Variants in DRC11 observed in about 807,000 individuals in gnomAD.
The protein encoded by DRC11 is dynein regulatory complex subunit 11, also known as IQ and AAA domain-containing protein 1.
At chr2:236,416,617 G>A in the DRC11 span, among the ~76,000 whole-genome samples, 5 of 150,560 alleles carry the variant, frequency 3.3e-5, no homozygotes, top group East Asian at 5.9e-4. Context: ...TGCAGGAGCC[G>A]AGCATGTGAA....
the DRC11 span, among the ~76,000 whole-genome samples, chr2:236,476,677 T>C: frequency 1.3e-5 from 2 of 152,210 alleles, 1 homozygote; most frequent in East Asian, 3.8e-4. This position sits in a 1 kb window ranked among gnomAD's most constrained non-coding sequence, Gnocchi z 4.7. Flanking sequence ...TGAACCATTC[T>C]TGCATCCCTG....
At chr2:236,459,492 CGTATAT>C in the DRC11 span, among the ~76,000 whole-genome samples, 1 of 127,242 alleles carries the variant, frequency 7.9e-6, no homozygotes, top group Non-Finnish European at 1.7e-5. Context: ...AATATGTATA[CGTATAT>C]ATGTATACGT....
chr2:236,455,836 G>A, the DRC11 span, among the ~76,000 whole-genome samples: 1 of 152,160 alleles, frequency 6.6e-6, no homozygotes, highest in African/African-American at 2.4e-5. The surrounding 1 kb of genome is among the most constrained non-coding windows in gnomAD (Gnocchi z 5.7). Flanking sequence ...TGGCAATCTG[G>A]AGGCATGGTG....
the DRC11 span, chr2:236,392,002 C>G: frequency 6.2e-7 from 1 of 1,614,032 alleles, no homozygotes; most frequent in Middle Eastern, 1.6e-4. This position sits in a 1 kb window ranked among gnomAD's most constrained non-coding sequence, Gnocchi z 5.1. Flanking sequence ...CCTGCTTTCA[C>G]TGGGCGCTCC....
the DRC11 span, among the ~76,000 whole-genome samples, chr2:236,384,161 G>A: frequency 6.6e-4 from 99 of 150,990 alleles, no homozygotes; most frequent in Non-Finnish European, 1.1e-3. Flanking sequence ...ATGATTTATA[G>A]TCCTTTGGGT....
At chr2:236,398,453 G>A in the DRC11 span, among the ~76,000 whole-genome samples, 1 of 152,182 alleles carries the variant, frequency 6.6e-6, no homozygotes, top group African/African-American at 2.4e-5. This position sits in a 1 kb window ranked among gnomAD's most constrained non-coding sequence, Gnocchi z 6.2. Flanking sequence ...CATCTATTAA[G>A]TTAATAATAT....
the DRC11 span, among the ~76,000 whole-genome samples, chr2:236,421,443 T>C: frequency 5.3e-5 from 8 of 151,456 alleles, no homozygotes; most frequent in African/African-American, 1.9e-4. Context: ...TTTATGCAAA[T>C]AAACTAGAAA....
At chr2:236,351,410 G>C in the DRC11 span, among the ~76,000 whole-genome samples, 3 of 152,252 alleles carry the variant, frequency 2.0e-5, no homozygotes, top group South Asian at 4.2e-4. The surrounding 1 kb of genome is among the most constrained non-coding windows in gnomAD (Gnocchi z 7.3). Context: ...TCTGGAGAGG[G>C]GGAAGCACCC....
chr2:236,444,625 C>T, the DRC11 span, among the ~76,000 whole-genome samples: 1 of 152,200 alleles, frequency 6.6e-6, no homozygotes, highest in Non-Finnish European at 1.5e-5. Flanking sequence ...AGCCCATCCA[C>T]TTCCGGATAC....
At chr2:236,461,136 G>A in the DRC11 span, among the ~76,000 whole-genome samples, 1 of 152,148 alleles carries the variant, frequency 6.6e-6, no homozygotes, top group Admixed American at 6.5e-5. This position sits in a 1 kb window ranked among gnomAD's most constrained non-coding sequence, Gnocchi z 4.0. Flanking sequence ...GGTTACAGTT[G>A]TACATAGTGC....
the DRC11 span, among the ~76,000 whole-genome samples, chr2:236,459,534 C>CATAT: frequency 1.4e-5 from 1 of 70,096 alleles, no homozygotes; most frequent in Non-Finnish European, 3.1e-5. Flanking sequence ...TACATGTATA[C>CATAT]GTATACGTAT....
chr2:236,410,466 C>T, the DRC11 span, among the ~76,000 whole-genome samples: 2 of 151,392 alleles, frequency 1.3e-5, no homozygotes, highest in Non-Finnish European at 2.9e-5. Context: ...AATGGCCATA[C>T]TGCCCAAGGT....
At chr2:236,400,404 GCCCCAGCACAACA>G in the DRC11 span, among the ~76,000 whole-genome samples, 1 of 152,162 alleles carries the variant, frequency 6.6e-6, no homozygotes, top group Non-Finnish European at 1.5e-5. This position sits in a 1 kb window ranked among gnomAD's most constrained non-coding sequence, Gnocchi z 7.9. Flanking sequence ...TCTGCTCTGA[GCCCCAGCACAACA>G]CCCCCTCTGC....
chr2:236,351,588 G>C, the DRC11 span, among the ~76,000 whole-genome samples: 1 of 152,170 alleles, frequency 6.6e-6, no homozygotes, highest in Non-Finnish European at 1.5e-5. The surrounding 1 kb of genome is among the most constrained non-coding windows in gnomAD (Gnocchi z 7.3). Flanking sequence ...CAAGAATTTT[G>C]ATCCTTTTTA....
At chr2:236,425,631 T>A in the DRC11 span, among the ~76,000 whole-genome samples, 20 of 152,150 alleles carry the variant, frequency 1.3e-4, no homozygotes, top group East Asian at 3.9e-3. Context: ...AGAAGTTTTT[T>A]AGTTTGGTGC....
the DRC11 span, among the ~76,000 whole-genome samples, chr2:236,446,568 T>TC: frequency 6.6e-6 from 1 of 152,228 alleles, no homozygotes; most frequent in Non-Finnish European, 1.5e-5. This position sits in a 1 kb window ranked among gnomAD's most constrained non-coding sequence, Gnocchi z 6.2. Flanking sequence ...CTTTGTTTTC[T>TC]CAGGGTCTCA....
At chr2:236,338,319 G>C in the DRC11 span, 1 of 1,613,946 alleles carries the variant, frequency 6.2e-7, no homozygotes, top group Non-Finnish European at 8.5e-7. Flanking sequence ...ATCAGAATCC[G>C]GTCATCTGGT....
At chr2:236,507,307 C>G in the DRC11 span, 1 of 1,613,494 alleles carries the variant, frequency 6.2e-7, no homozygotes, top group South Asian at 1.1e-5. Flanking sequence ...CTCCGGGAAG[C>G]TCTTCCGTTG....
the DRC11 span, chr2:236,344,677 T>G: frequency 6.7e-7 from 1 of 1,494,636 alleles, no homozygotes; most frequent in East Asian, 2.3e-5. Flanking sequence ...TGGTTGTAAA[T>G]GCACTTCCCT....
Sources: gnomAD v4.1 joint callset for allele counts (sites outside exome capture counted in the v4.1 genomes callset) on GRCh38, gnomAD v4.1.1 for gene constraint, Gnocchi (gnomAD v3.1) non-coding constraint, MANE v1.5 for transcripts, NCBI Gene and HGNC (gene_info 2026-07-23, HGNC 2026-07-21) for gene names.